The following XPO5 variants were observed in gnomAD, a reference collection of about 807,000 sequenced individuals.
XPO5 encodes exportin-5.
A neutral mutation model predicts 160.6 loss-of-function variants in XPO5; 46 were observed. The observed-to-expected ratio is 0.29, with a 90% CI of 0.23 to 0.37. The LOEUF is 0.37. Among genes scored for constraint, XPO5 ranks in the 10% least tolerant of loss-of-function variants. XPO5 has a pLI of 1.00. For synonymous variants in XPO5, 537 were observed against 519.3 expected, an observed-to-expected ratio of 1.03 and a Z score of -0.46; for missense variants, 1,090 against 1,463.9, an observed-to-expected ratio of 0.74 and a Z score of 4.17.
chr6:43,537,324 C>T (rs927187767), intron 20 of XPO5, among the ~76,000 whole-genome samples: 9 of 152,066 alleles, frequency 5.9e-5, no homozygotes, highest in Admixed American at 1.3e-4. Flanking sequence ...TAATACATAC[C>T]TGGGAGTCTT....
chr6:43,548,469 C>CA lies in XPO5; in HGVS notation c.1861-10dup. ...AGCATGTCAAAATTGGGCTACAGATCAAAAAGAAAAAAAGCCAGAGGTGGT... is the reference window on the plus strand; with the variant it reads ...AGCATGTCAAAATTGGGCTACAGATCAAAAAAGAAAAAAAGCCAGAGGTGGT... On this transcript the variant is annotated splice_polypyrimidine_tract_variant and intron_variant, in intron 17 of 31. Coordinates refer to ENST00000265351, the MANE Select transcript of XPO5 (RefSeq NM_020750.3). 6.6e-7 allele frequency: 1 copy of CA among 1,506,124 alleles called. No individual in the cohort carries two copies. The highest frequency in any genetic ancestry group is 8.9e-7 in the Non-Finnish European group (1 of 1,119,532). 93.3% of individuals were successfully genotyped at this position (1,506,124 alleles called of 1,614,324 possible).
chr6:43,573,825 T>A (rs9472083), intron 1 of XPO5, among the ~76,000 whole-genome samples: 40,618 of 81,612 alleles, frequency 0.5, 8,310 homozygotes, highest in Non-Finnish European at 0.56. Context: ...ATATATATAT[T>A]TTTTTTTTTT....
rs367992648 is a variant in XPO5 at position 43,527,703 on chromosome 6, G to A, written c.2851C>T (p.Pro951Ser). The A allele has an allele frequency of 6.2e-7, 1 of 1,613,882 alleles. No individual in the cohort carries two copies. The highest frequency in any genetic ancestry group is 1.7e-5 in the Admixed American group (1 of 60,008). The change falls in exon 26 of 32, where the codon CCA becomes TCA. Residue 951 changes from proline (P) to serine (S), a missense_variant. Pro to Ser is a moderately conservative substitution (Grantham distance 74). This residue lies in a region of XPO5 where 810 missense variants were observed against 1,139.0 expected (regional missense o/e 0.71). Coordinates refer to ENST00000265351, the MANE Select transcript of XPO5 (RefSeq NM_020750.3). The part of the protein sequence containing the change: ...CGEDEAADEN[P>S]ESQEMLEEQL... ...TCCTCCAGCATCTCTTGAGACTCTG[G>A]GTTTTCATCTGCAGCCTCATCTTCT...
chr6:43,528,231 G>A (rs1425929886), intron 24 of XPO5, 26 bp from the exon 25 acceptor site: 6 of 1,574,000 alleles, frequency 3.8e-6, no homozygotes, highest in Non-Finnish European at 4.3e-6. Flanking sequence ...GGAAATAAAT[G>A]CTAGAATTGG....
intron 4 of XPO5, 43 bp from the exon 5 acceptor site, chr6:43,570,727 T>C (rs1478576375): frequency 1.3e-6 from 2 of 1,546,624 alleles, no homozygotes; most frequent in Non-Finnish European, 1.7e-6. Flanking sequence ...AAAATATCTT[T>C]TCATTTTATG....
At chr6:43,562,084 T>A in intron 9 of XPO5, 163 bp downstream of exon 9, 1 of 527,588 alleles carries the variant, frequency 1.9e-6, no homozygotes. Flanking sequence ...TCAAACACTA[T>A]TCTATTAAGA....
At position 43,553,570 on chromosome 6, in the gene XPO5, G is replaced by C; in HGVS notation, c.1442-67C>G. 4.0e-6 allele frequency: 6 copies of C among 1,506,596 alleles called. No homozygotes were observed. In the South Asian group the frequency reaches 7.5e-5, roughly 19 times the overall value. 93.3% of individuals were successfully genotyped at this position (1,506,596 alleles called of 1,614,324 possible). A position where few individuals can be genotyped will look rare whatever the true frequency, so the allele number is the denominator to read the frequency against. On this transcript the variant is annotated intron_variant, in intron 13 of 31. Coordinates refer to ENST00000265351, the MANE Select transcript of XPO5 (RefSeq NM_020750.3). ...ACACAATTATCAGCATTGAAAGATC[G>C]CAGAAGACACAGAGAGACAATGGAG...
At position 43,524,578 on chromosome 6, in the gene XPO5, CCTT is replaced by C; in HGVS notation, c.3367_3369del (p.Lys1123del). On this transcript the variant is annotated inframe_deletion, in exon 31 of 32. Transcript: ENST00000265351. The stretch of plus-strand genomic sequence containing the variant: ...TTGCAGTCAAACTGGTCCAGTGAGT[CCTT>C]CTGTATTTCAGGGATTTGCTCCATT... 2 of 1,613,966 alleles carry C rather than the reference CCTT, an allele frequency of 1.2e-6. No homozygotes were observed. Among genetic ancestry groups the C allele is most frequent in the Non-Finnish European group, 1.7e-6 (2 of 1,179,890 alleles).
chr6:43,552,075 G>T (rs758400231), intron 14 of XPO5, among the ~76,000 whole-genome samples: 1 of 152,116 alleles, frequency 6.6e-6, no homozygotes. Context: ...ATATTTATCA[G>T]CTACTTTATT....
At position 43,575,920 on chromosome 6, in the gene XPO5, C is replaced by A; in HGVS notation, c.-56G>T. The A allele has an allele frequency of 6.4e-7, 1 of 1,553,758 alleles. No homozygotes were observed. The highest frequency in any genetic ancestry group is 1.7e-5 in the Admixed American group (1 of 58,182). ...ACTGCAGTCCCGGGACCACGAGGCA[C>A]GACAGCTCCCTCGGCGAGACCACCC... is the stretch of plus-strand genomic sequence containing the variant. On this transcript the variant is annotated 5_prime_UTR_variant, in exon 1 of 32. Coordinates refer to ENST00000265351, the MANE Select transcript of XPO5 (RefSeq NM_020750.3).
chr6:43,524,650 G>A lies in XPO5; in HGVS notation c.3313-15C>T. On this transcript the variant is annotated splice_polypyrimidine_tract_variant and intron_variant, in intron 30 of 31. Transcript: ENST00000265351. ...TACCTGGGGCGCTGATATCAGCAGG[G>A]ATAAACTTACTGGATGTAGGTTTGG... 1 of 1,611,764 alleles carries A rather than the reference G, an allele frequency of 6.2e-7. No individual in the cohort carries two copies. Among genetic ancestry groups the A allele is most frequent in the Non-Finnish European group, 8.5e-7 (1 of 1,178,472 alleles).
In XPO5 at chr6:43,523,536, A is replaced by G. The variant is rs1582188230; in HGVS notation, c.*332T>C. 2.1e-6 allele frequency: 1 copy of G among 484,404 alleles called. No homozygotes were observed. The highest frequency in any genetic ancestry group is 4.0e-6 in the Non-Finnish European group (1 of 247,452). The allele number at this position is 484,404 out of a possible 1,614,324, so 30.0% of individuals were successfully genotyped here. On this transcript the variant is annotated 3_prime_UTR_variant, in exon 32 of 32. Transcript: ENST00000265351. ...AGCACCCTTAGTTACCATTCTGTAC[A>G]GGTATGTGGCTGCACGGGGGTGGGA...
Position 43,546,669 on chromosome 6 carries a change from T to C in XPO5, c.2244A>G (p.Gly748=). 6.2e-7 allele frequency: 1 copy of C among 1,613,484 alleles called. No homozygotes were observed. Among genetic ancestry groups the C allele is most frequent in the Non-Finnish European group, 8.5e-7 (1 of 1,179,760 alleles). The part of the protein sequence containing the change: ...PTDLEEAKAG[G]FVVGYTSSGN... ...CACTGGATGTATAACCCACCACAAATCCCCCAGCTTTGGCCTCTTCTAGGT... is the reference window on the plus strand; with the variant it reads ...CACTGGATGTATAACCCACCACAAACCCCCCAGCTTTGGCCTCTTCTAGGT... Residue 748 remains glycine, a synonymous_variant, in exon 20 of 32, where the codon GGA becomes GGG. Transcript: ENST00000265351.
rs1169651365 is a variant in XPO5 at position 43,523,628 on chromosome 6, G to C, written c.*240C>G. The C allele has an allele frequency of 5.3e-6, 4 of 756,910 alleles. No individual in the cohort carries two copies. The highest frequency in any genetic ancestry group is 9.6e-6 in the Non-Finnish European group (4 of 416,734). The allele number at this position is 756,910 out of a possible 1,614,324, so 46.9% of individuals were successfully genotyped here. A position where few individuals can be genotyped will look rare whatever the true frequency, so the allele number is the denominator to read the frequency against. ...GAAAAGCCAAATCTCCAAGTAGAAT[G>C]GGAACTATCTGGGACATCTAGACAG... On this transcript the variant is annotated 3_prime_UTR_variant, in exon 32 of 32. Transcript: ENST00000265351.
chr6:43,568,333 AAAAC>A (rs1762811110), intron 6 of XPO5, among the ~76,000 whole-genome samples: 1 of 151,850 alleles, frequency 6.6e-6, no homozygotes, highest in African/African-American at 2.4e-5. Context: ...ACAAACAAAA[AAAAC>A]AAACGACAGA....
At chr6:43,533,878 C>G in intron 21 of XPO5, 29 bp downstream of exon 21, 1 of 1,532,094 alleles carries the variant, frequency 6.5e-7, no homozygotes, top group Non-Finnish European at 8.9e-7. Context: ...TAAGATAAAC[C>G]TTAGGAGAAA....
intron 20 of XPO5, among the ~76,000 whole-genome samples, chr6:43,534,387 G>A (rs1794185503): frequency 6.6e-6 from 1 of 152,182 alleles, no homozygotes; most frequent in Non-Finnish European, 1.5e-5. Context: ...ACACAGAGGA[G>A]GTGGTAATTT....
intron 9 of XPO5, chr6:43,561,322 C>T (rs1187053813): frequency 3.6e-6 from 1 of 278,326 alleles, no homozygotes; most frequent in Admixed American, 4.8e-5. Flanking sequence ...TTCCTCAGAC[C>T]TTACCTATTC....
chr6:43,546,111 G>C (rs1794952910), intron 20 of XPO5, among the ~76,000 whole-genome samples: 1 of 152,098 alleles, frequency 6.6e-6, no homozygotes, highest in Non-Finnish European at 1.5e-5. Flanking sequence ...CCTTTGTTTA[G>C]CATGTTCAGC....
Sources: gnomAD v4.1 joint callset for allele counts (sites outside exome capture counted in the v4.1 genomes callset) on GRCh38, gnomAD v4.1.1 for gene constraint, gnomAD v4.1.1 regional missense constraint, MANE v1.5 for transcripts, NCBI Gene and HGNC (gene_info 2026-07-23, HGNC 2026-07-21) for gene names.